RNF10: variants seen among roughly 807,000 people sequenced by gnomAD.
The protein encoded by RNF10 is E3 ubiquitin-protein ligase RNF10.
Under a neutral mutation model 91.4 loss-of-function variants are expected in RNF10, and 38 were observed. That is an observed-to-expected ratio of 0.42 (90% CI 0.32 to 0.54). RNF10 has a LOEUF of 0.54. Among genes scored for constraint, RNF10 ranks in the 20% least tolerant of loss-of-function variants. RNF10 has a pLI of 0.16. For missense variants in RNF10, 945 were observed against 1,012.0 expected, an observed-to-expected ratio of 0.93 and a Z score of 0.90; for synonymous variants, 364 against 366.3, an observed-to-expected ratio of 0.99 and a Z score of 0.07.
chr12:120,543,916 C>T (rs1871923196), intron 1 of RNF10, among the ~76,000 whole-genome samples: 1 of 152,008 alleles, frequency 6.6e-6, no homozygotes, highest in Admixed American at 6.6e-5. Context: ...ATGATGGCAC[C>T]ACTGCTTTCC....
chr12:120,562,267 CTTTCT>C (rs1478510106), intron 7 of RNF10, among the ~76,000 whole-genome samples: 18 of 102,220 alleles, frequency 1.8e-4, no homozygotes, highest in East Asian at 1.6e-3. Flanking sequence ...CTTTTTCTTT[CTTTCT>C]TTTTTTTTTT....
At chr12:120,560,597 T>G in intron 6 of RNF10, 129 bp from the exon 7 acceptor site, 1 of 810,694 alleles carries the variant, frequency 1.2e-6, no homozygotes, top group Non-Finnish European at 1.9e-6. Flanking sequence ...TAAATTATTT[T>G]CTAGGAAATC....
At position 120,563,430 on chromosome 12, in the gene RNF10, C is replaced by A. The variant is rs778110394; in HGVS notation, c.1338C>A (p.Leu446=). The change falls in exon 9 of 17, where the codon CTC becomes CTA. Residue 446 remains leucine, a synonymous_variant. Transcript: ENST00000325954. ...ACACTCCTTCTAGACCTCTTGCTCTCCCTCTGGTAGAAGAGGAGGAAGCAG... is the reference window on the plus strand; with the variant it reads ...ACACTCCTTCTAGACCTCTTGCTCTACCTCTGGTAGAAGAGGAGGAAGCAG... The part of the protein sequence containing the change: ...SLDTPSRPLA[L]PLVEEEEAVS... The A allele has an allele frequency of 6.2e-7, 1 of 1,614,100 alleles. No individual in the cohort carries two copies. The highest frequency in any genetic ancestry group is 8.5e-7 in the Non-Finnish European group (1 of 1,179,996).
rs1452916067 is a variant in RNF10 at position 120,577,281 on chromosome 12, T to G, written c.*615T>G. 1 of 421,518 alleles carries G rather than the reference T, an allele frequency of 2.4e-6. No individual in the cohort carries two copies. The highest frequency in any genetic ancestry group is 4.7e-6 in the Non-Finnish European group (1 of 214,934). 26.1% of individuals were successfully genotyped at this position (421,518 alleles called of 1,614,324 possible). Reference sequence around the variant, plus strand: ...TGTGTGAAAGGAGGGTTTTGCCTCTTCTTGAGCATGGCTTGAGTTGGTAAG... The same window carrying G: ...TGTGTGAAAGGAGGGTTTTGCCTCTGCTTGAGCATGGCTTGAGTTGGTAAG... On this transcript the variant is annotated 3_prime_UTR_variant, in exon 17 of 17. Transcript: ENST00000325954.
intron 6 of RNF10, among the ~76,000 whole-genome samples, chr12:120,559,308 A>G (rs1209613710): frequency 6.7e-6 from 1 of 149,606 alleles, no homozygotes; most frequent in Non-Finnish European, 1.5e-5. Context: ...CAGCTTCCTG[A>G]GTAGCTGGCA....
Position 120,562,267 on chromosome 12 carries a change from C to CTTT in RNF10, c.1129-677_1129-675dup, listed in dbSNP as rs1174061958. Among the ~76,000 whole-genome samples, 626 of 102,028 alleles carry CTTT rather than the reference C, an allele frequency of 6.1e-3. 18 individuals are homozygous for CTTT. Among genetic ancestry groups the CTTT allele is most frequent in the Middle Eastern group, 0.014 (2 of 148 alleles). 66.9% of individuals were successfully genotyped at this position (102,028 alleles called of 152,430 possible). A position where few individuals can be genotyped will look rare whatever the true frequency, so the allele number is the denominator to read the frequency against. ...CGATATTTGGTTTTTCTTTTTCTTTCTTTCTTTTTTTTTTTTTTTTTTTTG... is the reference window on the plus strand; with the variant it reads ...CGATATTTGGTTTTTCTTTTTCTTTCTTTTTTCTTTTTTTTTTTTTTTTTTTTG... On this transcript the variant is annotated intron_variant, in intron 7 of 16. Coordinates refer to ENST00000325954, the MANE Select transcript of RNF10 (RefSeq NM_014868.5).
At chr12:120,537,458 C>T (rs1382129006) in intron 1 of RNF10, among the ~76,000 whole-genome samples, 1 of 152,128 alleles carries the variant, frequency 6.6e-6, no homozygotes, top group Non-Finnish European at 1.5e-5. Context: ...GAAGCCCCGT[C>T]TCTACTAAAA....
At chr12:120,548,837 T>C (rs995453631) in intron 2 of RNF10, among the ~76,000 whole-genome samples, 1 of 151,434 alleles carries the variant, frequency 6.6e-6, no homozygotes, top group Non-Finnish European at 1.5e-5. Flanking sequence ...CCCGGCTAAT[T>C]TTTTTTGTAT....
rs746897284 is a variant in RNF10, at chr12:120,534,842, A to ACCGCCT, written c.35_40dup (p.Ala12_Ser13dup). On this transcript the variant is annotated inframe_insertion, in exon 1 of 17. Coordinates refer to ENST00000325954, the MANE Select transcript of RNF10 (RefSeq NM_014868.5). Reference sequence around the variant, plus strand: ...GCTGAGCTCCCCCAACGCCGCCGCCACCGCCTCCGACATGGACAAGAACAG... The same window carrying ACCGCCT: ...GCTGAGCTCCCCCAACGCCGCCGCCACCGCCTCCGCCTCCGACATGGACAAGAACAG... The ACCGCCT allele has an allele frequency of 5.6e-6, 9 of 1,602,846 alleles. No individual in the cohort carries two copies. Among genetic ancestry groups the ACCGCCT allele is most frequent in the Non-Finnish European group, 5.9e-6 (7 of 1,178,436 alleles).
chr12:120,538,459 A>G (rs1219565432), intron 1 of RNF10, among the ~76,000 whole-genome samples: 1 of 152,198 alleles, frequency 6.6e-6, no homozygotes, highest in South Asian at 2.1e-4. Context: ...GTCGCATACC[A>G]CAGTTTCTTT....
rs533283511 is a variant in RNF10, at chr12:120,534,383, G to T, written c.-429G>T. On this transcript the variant is annotated 5_prime_UTR_variant, in exon 1 of 17. Transcript: ENST00000325954. ...TGTTTGGCGACTCGTCGCCATTCCC[G>T]GAGCAGGTCGGCCTCGGCCCAGGGG... 6.0e-6 allele frequency: 1 copy of T among 166,188 alleles called. No homozygotes were observed. The highest frequency in any genetic ancestry group is 1.6e-4 in the South Asian group (1 of 6,360). 10.3% of individuals were successfully genotyped at this position (166,188 alleles called of 1,614,324 possible). A position where few individuals can be genotyped will look rare whatever the true frequency, so the allele number is the denominator to read the frequency against.
At chr12:120,537,067 G>A (rs988454977) in intron 1 of RNF10, among the ~76,000 whole-genome samples, 2 of 152,160 alleles carry the variant, frequency 1.3e-5, no homozygotes, top group Non-Finnish European at 2.9e-5. Context: ...CAAATGGGCT[G>A]GGTGGCTATA....
At chr12:120,567,782 A>G (rs563354054) in intron 13 of RNF10, among the ~76,000 whole-genome samples, 1 of 152,016 alleles carries the variant, frequency 6.6e-6, no homozygotes, top group East Asian at 1.9e-4. Flanking sequence ...GATAAAAGTA[A>G]TTTGTAGAAC....
Position 120,566,891 on chromosome 12 carries a change from C to T in RNF10, c.1952C>T (p.Ser651Phe), listed in dbSNP as rs183419563. Residue 651 changes from serine to phenylalanine, a missense_variant, in exon 13 of 17, where the codon TCC becomes TTC. Transcript: ENST00000325954. ...CCTGCCTTCAATTCTTATACCTGCT[C>T]CTCTGATTCTGCTTTGGGTCCCACC... ...QFPAFNSYTC[S>F]SDSALGPTST... is the part of the protein sequence containing the mutation. 5.6e-5 allele frequency: 91 copies of T among 1,614,036 alleles called. No homozygotes were observed. Among genetic ancestry groups the T allele is most frequent in the Admixed American group, 2.3e-4 (14 of 60,006 alleles).
At chr12:120,558,259 A>G (rs1159718893) in intron 6 of RNF10, among the ~76,000 whole-genome samples, 1 of 152,200 alleles carries the variant, frequency 6.6e-6, no homozygotes, top group African/African-American at 2.4e-5. Context: ...GTAAATGTAA[A>G]AAATCCAAAA....
At chr12:120,565,334 G>A in intron 11 of RNF10, 94 bp from the exon 12 acceptor site, 1 of 1,230,298 alleles carries the variant, frequency 8.1e-7, no homozygotes. Flanking sequence ...TAGTCCAGCT[G>A]GGCCTACTGT....
chr12:120,550,408 A>G (rs768331600), intron 2 of RNF10, among the ~76,000 whole-genome samples: 17 of 151,990 alleles, frequency 1.1e-4, no homozygotes, highest in Non-Finnish European at 2.2e-4. Context: ...AAGGTTGAGA[A>G]TGTGGAGGAT....
At chr12:120,554,357 A>G (rs1274491407) in intron 3 of RNF10, 1 of 218,006 alleles carries the variant, frequency 4.6e-6, no homozygotes, top group Non-Finnish European at 9.2e-6. Context: ...AGTCTTTTCA[A>G]CTGCCTTGAA....
At chr12:120,566,402 T>C (rs1875707316) in intron 12 of RNF10, among the ~76,000 whole-genome samples, 1 of 152,194 alleles carries the variant, frequency 6.6e-6, no homozygotes, top group Admixed American at 6.5e-5. Flanking sequence ...GGGTTTTAGC[T>C]TTTGTCTGCA....
Sources: allele counts gnomAD v4.1 joint callset (sites outside exome capture counted in the v4.1 genomes callset), GRCh38; gene constraint gnomAD v4.1.1; transcripts MANE v1.5; gene names NCBI Gene and HGNC (gene_info 2026-07-23, HGNC 2026-07-21).